The following MDGA2 variants were observed in gnomAD, a reference collection of about 807,000 sequenced individuals.
MDGA2 encodes MAM domain-containing glycosylphosphatidylinositol anchor protein 2.
Under a neutral mutation model 117.8 loss-of-function variants are expected in MDGA2, and 40 were observed. The ratio of observed to expected loss-of-function variants is 0.34; its 90% CI spans 0.26 to 0.44. The LOEUF (loss-of-function observed/expected upper bound fraction) is 0.44. Among genes scored for constraint, MDGA2 ranks in the 20% least tolerant of loss-of-function variants. The pLI is 1.00. For missense variants in MDGA2, 1,123 were observed against 1,250.6 expected, an observed-to-expected ratio of 0.90 and a Z score of 1.54; for synonymous variants, 452 against 439.0, an observed-to-expected ratio of 1.03 and a Z score of -0.37.
intron 1 of MDGA2, among the ~76,000 whole-genome samples, chr14:47,351,795 C>T (rs1357511356): frequency 6.6e-6 from 1 of 151,832 alleles, no homozygotes; most frequent in Non-Finnish European, 1.5e-5. Flanking sequence ...GAAAAAGTAC[C>T]TCAAATACTT....
Position 47,317,443 on chromosome 14 carries a change from G to C in MDGA2, c.281-15893C>G, listed in dbSNP as rs911557592. ...AATACTTACTTATGTCATGATATTT[G>C]TTTTGAATTATTTTGTATCTTCTTG... On this transcript the variant is annotated intron_variant, in intron 1 of 16. Transcript: ENST00000399232. Among the ~76,000 whole-genome samples the C allele has an allele frequency of 3.3e-5, 5 of 152,062 alleles. No homozygotes were observed. The South Asian group carries it at 8.3e-4, about 25-fold the overall frequency.
At chr14:47,429,507 T>A (rs1308500583) in intron 1 of MDGA2, among the ~76,000 whole-genome samples, 1 of 152,116 alleles carries the variant, frequency 6.6e-6, no homozygotes, top group East Asian at 1.9e-4. Context: ...AGCATTCTGT[T>A]CTGGGAAAGT....
chr14:46,930,159 T>C (rs2138544476), intron 9 of MDGA2, among the ~76,000 whole-genome samples: 1 of 152,202 alleles, frequency 6.6e-6, no homozygotes, highest in South Asian at 2.1e-4. Context: ...TTCTAACATG[T>C]AATACCCAAA....
At chr14:47,104,998 C>G (rs960872148) in intron 5 of MDGA2, among the ~76,000 whole-genome samples, 10 of 152,170 alleles carry the variant, frequency 6.6e-5, no homozygotes, top group Non-Finnish European at 1.3e-4. Context: ...ACCCAAAACT[C>G]CGGCACCGGT....
intron 16 of MDGA2, among the ~76,000 whole-genome samples, chr14:46,845,084 C>T (rs1005825764): frequency 1.3e-5 from 2 of 152,088 alleles, no homozygotes; most frequent in Non-Finnish European, 1.5e-5. Flanking sequence ...GGGGTTTCAC[C>T]GTCTTAGCCA....
At chr14:47,021,574 C>T (rs1345630674) in intron 8 of MDGA2, among the ~76,000 whole-genome samples, 2 of 152,110 alleles carry the variant, frequency 1.3e-5, no homozygotes, top group Non-Finnish European at 2.9e-5. Context: ...TATTTTAACA[C>T]AGATAACTTG....
intron 1 of MDGA2, among the ~76,000 whole-genome samples, chr14:47,449,205 T>C (rs1288429981): frequency 7.2e-5 from 11 of 152,126 alleles, no homozygotes; most frequent in Non-Finnish European, 1.6e-4. Flanking sequence ...TTCTTTACTT[T>C]TGGAAACTCC....
chr14:47,396,549 G>T (rs1566768076), intron 1 of MDGA2, among the ~76,000 whole-genome samples: 1 of 152,028 alleles, frequency 6.6e-6, no homozygotes, highest in Non-Finnish European at 1.5e-5. Context: ...GAGTGAACAG[G>T]CAACCTACAG....
intron 5 of MDGA2, among the ~76,000 whole-genome samples, chr14:47,126,603 T>C (rs946908439): frequency 1.3e-5 from 2 of 152,146 alleles, no homozygotes; most frequent in Admixed American, 6.6e-5. Context: ...ACATTGACTT[T>C]ATCATGACAC....
chr14:47,556,727 T>C (rs918724045), intron 1 of MDGA2, among the ~76,000 whole-genome samples: 5 of 152,210 alleles, frequency 3.3e-5, no homozygotes, highest in Non-Finnish European at 2.9e-5. Context: ...TGGCATATAA[T>C]ACAAGCTCAG....
chr14:47,578,318 T>C (rs1184257325), intron 1 of MDGA2, among the ~76,000 whole-genome samples: 2 of 152,036 alleles, frequency 1.3e-5, no homozygotes, highest in African/African-American at 4.8e-5. Context: ...GCCTAAAACC[T>C]AGATGACAGG....
intron 8 of MDGA2, among the ~76,000 whole-genome samples, chr14:46,979,598 T>C (rs1006234304): frequency 1.3e-5 from 2 of 152,162 alleles, no homozygotes; most frequent in African/African-American, 4.8e-5. Context: ...AGCAACTTTA[T>C]TGCTGATATG....
chr14:47,586,884 C>CCT (rs5808402), intron 1 of MDGA2, among the ~76,000 whole-genome samples: 112,873 of 151,650 alleles, frequency 0.74, 42,452 homozygotes, highest in East Asian at 1. Context: ...AACATCTGTC[C>CCT]GTTTCCAGTG....
At chr14:47,584,772 C>T (rs1896293394) in intron 1 of MDGA2, among the ~76,000 whole-genome samples, 1 of 151,768 alleles carries the variant, frequency 6.6e-6, no homozygotes, top group Non-Finnish European at 1.5e-5. Flanking sequence ...ATAGAAGTTC[C>T]TCCATGAATT....
chr14:47,220,255 G>T (rs558130128), intron 2 of MDGA2, among the ~76,000 whole-genome samples: 1 of 152,112 alleles, frequency 6.6e-6, no homozygotes, highest in Non-Finnish European at 1.5e-5. Flanking sequence ...TACATACTCC[G>T]ATAAAAGTTG....
At chr14:47,280,343 A>AAAAAAG (rs1555369475) in intron 2 of MDGA2, among the ~76,000 whole-genome samples, 75 of 137,244 alleles carry the variant, frequency 5.5e-4, no homozygotes, top group Middle Eastern at 4.1e-3. Flanking sequence ...AAAAAAAAAA[A>AAAAAAG]AGAGAGATTG....
At chr14:47,474,841 A>C (rs554298133) in intron 1 of MDGA2, among the ~76,000 whole-genome samples, 1 of 152,304 alleles carries the variant, frequency 6.6e-6, no homozygotes, top group South Asian at 2.1e-4. Flanking sequence ...ACTCAAATAG[A>C]TTAAAGACTT....
chr14:46,924,699 T>C (rs1317942068), intron 9 of MDGA2, among the ~76,000 whole-genome samples: 1 of 151,972 alleles, frequency 6.6e-6, no homozygotes, highest in Non-Finnish European at 1.5e-5. Context: ...AAAAAACTCA[T>C]ACAGACAACA....
In MDGA2 at chr14:47,622,969, G is replaced by A. The variant is rs182933126; in HGVS notation, c.280+51548C>T. Among the ~76,000 whole-genome samples the A allele has an allele frequency of 8.5e-5, 13 of 152,166 alleles. 1 individual carries two copies. Among genetic ancestry groups the A allele is most frequent in the African/African-American group, 2.6e-4 (11 of 41,526 alleles). The stretch of plus-strand genomic sequence containing the variant: ...AATTAAAGGATGGTGGTGAGGGTGT[G>A]GTAGGGTTTGAATGCATCCCTAAAG... On this transcript the variant is annotated intron_variant, in intron 1 of 16. Transcript: ENST00000399232.
Sources: gnomAD v4.1 joint callset for allele counts (sites outside exome capture counted in the v4.1 genomes callset) on GRCh38, gnomAD v4.1.1 for gene constraint, MANE v1.5 for transcripts, NCBI Gene and HGNC (gene_info 2026-07-23, HGNC 2026-07-21) for gene names.